The following DLEU7 variants were observed in gnomAD, a reference collection of about 807,000 sequenced individuals.
DLEU7 encodes the protein deleted in lymphocytic leukemia 7, also known as leukemia-associated protein 7.
In DLEU7, 17 loss-of-function variants were observed where a neutral mutation model predicts 16.0. The ratio of observed to expected loss-of-function variants is 1.06; its 90% CI spans 0.73 to 1.59. The LOEUF is 1.59. Among genes scored for constraint, DLEU7 ranks in the 40% most tolerant of loss-of-function variants. DLEU7 has a pLI of 0.00. For synonymous variants in DLEU7, 113 were observed against 139.8 expected, an observed-to-expected ratio of 0.81 and a Z score of 1.35; for missense variants, 308 against 314.9, an observed-to-expected ratio of 0.98 and a Z score of 0.17.
chr13:50,828,382 G>A (rs1273956472), intron 1 of DLEU7, among the ~76,000 whole-genome samples: 1 of 152,112 alleles, frequency 6.6e-6, no homozygotes, highest in Non-Finnish European at 1.5e-5. Flanking sequence ...CCCAAAACAT[G>A]TGTGACTTAG....
intron 1 of DLEU7, among the ~76,000 whole-genome samples, chr13:50,769,881 T>G (rs908681319): frequency 1.3e-5 from 2 of 152,250 alleles, no homozygotes; most frequent in African/African-American, 4.8e-5. Context: ...TTGGGCAGTA[T>G]GGCCATTTTC....
At chr13:50,772,447 G>T (rs1263379996) in intron 1 of DLEU7, among the ~76,000 whole-genome samples, 6 of 152,166 alleles carry the variant, frequency 3.9e-5, no homozygotes, top group Non-Finnish European at 7.3e-5. Context: ...AAGAGCTCTT[G>T]TAAGGCAGGC....
intron 1 of DLEU7, among the ~76,000 whole-genome samples, chr13:50,810,072 G>T (rs1215638495): frequency 2.0e-5 from 3 of 150,290 alleles, no homozygotes; most frequent in Non-Finnish European, 4.4e-5. Flanking sequence ...ATTTTAAGAG[G>T]ACATTACATT....
intron 1 of DLEU7, among the ~76,000 whole-genome samples, chr13:50,809,529 A>AG (rs766624933): frequency 1.3e-5 from 2 of 152,120 alleles, no homozygotes; most frequent in Non-Finnish European, 2.9e-5. Context: ...CAACTGCCTG[A>AG]GGGGTTGAGA....
At chr13:50,792,727 C>T (rs754084630) in intron 1 of DLEU7, among the ~76,000 whole-genome samples, 5 of 150,910 alleles carry the variant, frequency 3.3e-5, no homozygotes, top group East Asian at 4.0e-4. Context: ...TCTTTGGGTC[C>T]GCACTCAAAT....
At chr13:50,752,411 T>C (rs186009023) in intron 1 of DLEU7, among the ~76,000 whole-genome samples, 7 of 150,760 alleles carry the variant, frequency 4.6e-5, no homozygotes, top group Admixed American at 4.0e-4. Flanking sequence ...GCACCACCTT[T>C]GCTGTATCCC....
intron 1 of DLEU7, among the ~76,000 whole-genome samples, chr13:50,787,244 A>G (rs1875813523): frequency 6.6e-6 from 1 of 152,222 alleles, no homozygotes; most frequent in Admixed American, 6.5e-5. Context: ...GGCCTGCTTA[A>G]TAATGCCCAG....
chr13:50,756,337 A>C (rs1874757560), intron 1 of DLEU7, among the ~76,000 whole-genome samples: 3 of 152,140 alleles, frequency 2.0e-5, no homozygotes, highest in Admixed American at 2.0e-4. Flanking sequence ...CCCATCAGGT[A>C]GGGGCAGGAC....
chr13:50,753,966 A>G (rs1874674075), intron 1 of DLEU7, among the ~76,000 whole-genome samples: 1 of 152,148 alleles, frequency 6.6e-6, no homozygotes, highest in Non-Finnish European at 1.5e-5. Flanking sequence ...TTTAATTTCC[A>G]TGTATTTGCA....
chr13:50,750,599 G>A (rs1055414109), intron 1 of DLEU7, among the ~76,000 whole-genome samples: 1 of 152,100 alleles, frequency 6.6e-6, no homozygotes, highest in Admixed American at 6.5e-5. Flanking sequence ...TGTTATCTAT[G>A]ATTTCTTTCA....
Position 50,726,032 on chromosome 13 carries a change from G to T in DLEU7, c.460-12792C>A, listed in dbSNP as rs1254838844. On this transcript the variant is annotated intron_variant, in intron 1 of 1. Coordinates refer to the DLEU7 transcript ENST00000400393. The surrounding 1 kb of genome is among the most constrained non-coding windows in gnomAD (Gnocchi z 4.0). ...GCTAAGCATTATGTCAGGCCTCAAG[G>T]ATACAAAGATCAATGCAGTGTGATT... 2.0e-5 allele frequency among the ~76,000 whole-genome samples: 3 copies of T among 152,166 alleles called. No homozygotes were observed. Among genetic ancestry groups the T allele is most frequent in the Non-Finnish European group, 4.4e-5 (3 of 68,020 alleles).
At chr13:50,831,981 A>G (rs1236507441) in intron 1 of DLEU7, among the ~76,000 whole-genome samples, 1 of 152,194 alleles carries the variant, frequency 6.6e-6, no homozygotes, top group Non-Finnish European at 1.5e-5. Context: ...TTTTGGTATC[A>G]GGATGATGCT....
chr13:50,736,075 A>G (rs1443942839), intron 1 of DLEU7, among the ~76,000 whole-genome samples: 1 of 152,206 alleles, frequency 6.6e-6, no homozygotes, highest in Non-Finnish European at 1.5e-5. Context: ...TTGCAATACT[A>G]TTAACAATAG....
chr13:50,715,653 G>A (rs1873420187), intron 1 of DLEU7, among the ~76,000 whole-genome samples: 1 of 152,230 alleles, frequency 6.6e-6, no homozygotes, highest in African/African-American at 2.4e-5. Context: ...GTCGGAGATG[G>A]AGGAGGGGAA....
intron 1 of DLEU7, among the ~76,000 whole-genome samples, chr13:50,817,819 G>T (rs1348469516): frequency 6.6e-6 from 1 of 152,028 alleles, no homozygotes; most frequent in African/African-American, 2.4e-5. Context: ...TGTAAGGCAG[G>T]CAGTCAAAAG....
intron 1 of DLEU7, among the ~76,000 whole-genome samples, chr13:50,756,087 C>T (rs1040257389): frequency 4.6e-5 from 7 of 152,286 alleles, no homozygotes; most frequent in East Asian, 3.9e-4. Flanking sequence ...CTCTCAGCCA[C>T]GGATACCAGC....
At chr13:50,729,743 G>A (rs545968539) in intron 1 of DLEU7, among the ~76,000 whole-genome samples, 30 of 152,186 alleles carry the variant, frequency 2.0e-4, no homozygotes, top group African/African-American at 7.2e-4. Context: ...CTGTTGTGAG[G>A]TGGTATCTCA....
chr13:50,819,442 G>A (rs1174930867), downstream of DLEU7, among the ~76,000 whole-genome samples: 1 of 152,132 alleles, frequency 6.6e-6, no homozygotes, highest in African/African-American at 2.4e-5. Context: ...TTTTACTGTG[G>A]CTGATGTGTG....
intron 1 of DLEU7, among the ~76,000 whole-genome samples, chr13:50,743,593 C>T (rs545808071): frequency 6.6e-6 from 1 of 152,260 alleles, no homozygotes; most frequent in South Asian, 2.1e-4. Context: ...TTTAACATAA[C>T]ATAGAGGCCC....
Sources: gnomAD v4.1 joint callset for allele counts (sites outside exome capture counted in the v4.1 genomes callset) on GRCh38, gnomAD v4.1.1 for gene constraint, Gnocchi (gnomAD v3.1) non-coding constraint, MANE v1.5 for transcripts, NCBI Gene and HGNC (gene_info 2026-07-23, HGNC 2026-07-21) for gene names.